Variants in MCC observed in about 807,000 individuals in gnomAD.
MCC encodes the protein MCC regulator of Wnt signaling pathway.
A neutral mutation model predicts 116.2 loss-of-function variants in MCC; 90 were observed. The observed-to-expected ratio is 0.77, with a 90% CI of 0.65 to 0.92. MCC has a LOEUF of 0.92. Ranked by LOEUF, MCC falls within the 40% of genes least tolerant of loss-of-function variation. MCC has a pLI of 0.00. For synonymous variants in MCC, 578 were observed against 510.5 expected (o/e 1.13, Z -1.78); for missense variants, 1,516 against 1,312.2 (o/e 1.16, Z -2.40).
chr5:113,443,899 CTG>C (rs1228306340), intron 1 of MCC, among the ~76,000 whole-genome samples: 4 of 152,132 alleles, frequency 2.6e-5, no homozygotes, highest in African/African-American at 9.7e-5. Context: ...TCTCAGCTCA[CTG>C]CAACCTCCAC....
chr5:113,144,111 A>G (rs1235028809), intron 4 of MCC, among the ~76,000 whole-genome samples: 1 of 152,204 alleles, frequency 6.6e-6, no homozygotes, highest in Admixed American at 6.5e-5. Context: ...ACGATATATC[A>G]TCGTCATGAA....
intron 3 of MCC, among the ~76,000 whole-genome samples, chr5:113,228,958 G>T (rs1561471871): frequency 6.6e-6 from 1 of 152,222 alleles, no homozygotes; most frequent in Non-Finnish European, 1.5e-5. Context: ...GGGAAAGAAT[G>T]TGGAGTCCAG....
intron 6 of MCC, among the ~76,000 whole-genome samples, chr5:113,120,155 T>C (rs1757650694): frequency 6.6e-6 from 1 of 152,206 alleles, no homozygotes; most frequent in South Asian, 2.1e-4. Context: ...TAAATCTGTC[T>C]GGCTAAGGCA....
intron 3 of MCC, among the ~76,000 whole-genome samples, chr5:113,259,510 A>T (rs182329110): frequency 7.2e-5 from 11 of 152,294 alleles, no homozygotes; most frequent in Admixed American, 5.2e-4. Context: ...CATTTACTAA[A>T]GAAAAAAAAA....
At chr5:113,044,592 G>C (rs1751946988) in intron 16 of MCC, 1 of 547,118 alleles carries the variant, frequency 1.8e-6, no homozygotes, top group South Asian at 8.0e-5. Flanking sequence ...TTTGTTTTTT[G>C]AGATGGAGTT....
At chr5:113,115,473 T>G (rs964805566) in intron 6 of MCC, among the ~76,000 whole-genome samples, 1 of 152,222 alleles carries the variant, frequency 6.6e-6, no homozygotes, top group Non-Finnish European at 1.5e-5. Flanking sequence ...CTGACACAAT[T>G]TGTTTCTGTG....
intron 2 of MCC, among the ~76,000 whole-genome samples, chr5:113,342,105 C>G (rs1768033240): frequency 6.6e-6 from 1 of 152,040 alleles, no homozygotes; most frequent in South Asian, 2.1e-4. Context: ...GTTTTCCATT[C>G]CTGAGTTACT....
intron 5 of MCC, among the ~76,000 whole-genome samples, chr5:113,134,763 A>T (rs1758704354): frequency 6.6e-6 from 1 of 151,598 alleles, no homozygotes; most frequent in Non-Finnish European, 1.5e-5. Context: ...GATGACCTTG[A>T]GCAGTAGGAT....
chr5:113,137,722 T>A (rs923660352), intron 5 of MCC, among the ~76,000 whole-genome samples: 1 of 152,174 alleles, frequency 6.6e-6, no homozygotes, highest in Non-Finnish European at 1.5e-5. Flanking sequence ...AACAACTTTT[T>A]AAGTGGATTT....
chr5:113,398,616 G>A (rs576258476), intron 1 of MCC, among the ~76,000 whole-genome samples: 2 of 152,176 alleles, frequency 1.3e-5, no homozygotes, highest in Non-Finnish European at 2.9e-5. Context: ...CTTATAAGTA[G>A]GAGCTAAACA....
chr5:113,288,664 T>C (rs568716765), intron 3 of MCC, among the ~76,000 whole-genome samples: 1 of 152,196 alleles, frequency 6.6e-6, no homozygotes, highest in African/African-American at 2.4e-5. Context: ...AACAGGCTTA[T>C]TAAAATAGAA....
At chr5:113,251,580 T>C (rs1018712904) in intron 3 of MCC, among the ~76,000 whole-genome samples, 4 of 152,164 alleles carry the variant, frequency 2.6e-5, no homozygotes, top group Admixed American at 2.0e-4. Context: ...GTGGAGAAGG[T>C]ACAACCCTTC....
intron 12 of MCC, among the ~76,000 whole-genome samples, chr5:113,070,211 TAAAC>T (rs1753942350): frequency 6.6e-6 from 1 of 152,222 alleles, no homozygotes; most frequent in African/African-American, 2.4e-5. Flanking sequence ...GAATGTTTCT[TAAAC>T]AATACCGAAC....
At chr5:113,479,538 T>C (rs1772318563) in intron 1 of MCC, among the ~76,000 whole-genome samples, 1 of 150,844 alleles carries the variant, frequency 6.6e-6, no homozygotes, top group African/African-American at 2.4e-5. Context: ...TGAATGTTCA[T>C]AACGCCAATG....
chr5:113,087,282 G>C (rs1435243058), intron 8 of MCC, among the ~76,000 whole-genome samples: 2 of 152,208 alleles, frequency 1.3e-5, no homozygotes, highest in Non-Finnish European at 2.9e-5. Flanking sequence ...GCATTCAATA[G>C]TGCAACAGCT....
At chr5:113,404,982 G>A (rs183336148) in intron 1 of MCC, among the ~76,000 whole-genome samples, 131 of 152,308 alleles carry the variant, frequency 8.6e-4, no homozygotes, top group Admixed American at 8.3e-3. Context: ...ATGTCTGGAG[G>A]ACAGAGATGG....
At chr5:113,235,131 G>A (rs1043969200) in intron 3 of MCC, among the ~76,000 whole-genome samples, 3 of 152,168 alleles carry the variant, frequency 2.0e-5, no homozygotes, top group Admixed American at 6.5e-5. Context: ...GAGGTGAAAG[G>A]TGCCATATAA....
At chr5:113,041,533 C>G (rs1012844741) in intron 17 of MCC, among the ~76,000 whole-genome samples, 1 of 152,152 alleles carries the variant, frequency 6.6e-6, no homozygotes, top group Non-Finnish European at 1.5e-5. Context: ...GCTACCAGAA[C>G]AGGAGGGGAC....
chr5:113,150,519 T>C (rs1305695187), intron 4 of MCC, among the ~76,000 whole-genome samples: 1 of 151,458 alleles, frequency 6.6e-6, no homozygotes, highest in Non-Finnish European at 1.5e-5. Context: ...ATTAGAAAAA[T>C]TCAGAAGTGA....
Sources: allele counts gnomAD v4.1 joint callset (sites outside exome capture counted in the v4.1 genomes callset), GRCh38; gene constraint gnomAD v4.1.1; transcripts MANE v1.5; gene names NCBI Gene and HGNC (gene_info 2026-07-23, HGNC 2026-07-21).